Variants in PDLIM3 observed in about 807,000 individuals in gnomAD.
The protein encoded by PDLIM3 is PDZ and LIM domain 3.
PDLIM3 carries 36 observed loss-of-function variants against 37.3 expected under a neutral mutation model. The ratio of observed to expected loss-of-function variants is 0.97; its 90% CI spans 0.74 to 1.28. The LOEUF (loss-of-function observed/expected upper bound fraction) is 1.28. Among genes scored for constraint, PDLIM3 ranks in the 50% most tolerant of loss-of-function variants. PDLIM3 has a pLI of 0.00. For missense variants in PDLIM3, 454 were observed against 485.0 expected, an observed-to-expected ratio of 0.94 and a Z score of 0.60; for synonymous variants, 174 against 182.4, an observed-to-expected ratio of 0.95 and a Z score of 0.37.
chr4:185,534,950 G>A (rs564637541), intron 1 of PDLIM3, among the ~76,000 whole-genome samples: 27 of 152,272 alleles, frequency 1.8e-4, no homozygotes, highest in African/African-American at 6.5e-4. Flanking sequence ...TCTCCCACCC[G>A]GGACCCATCA....
intron 1 of PDLIM3, 38 bp from the exon 2 acceptor site, chr4:185,525,209 C>CCGCA: frequency 6.2e-7 from 1 of 1,608,486 alleles, no homozygotes; most frequent in Non-Finnish European, 8.5e-7. Flanking sequence ...AACCAACATC[C>CCGCA]CGCAGTATCT....
intron 4 of PDLIM3, chr4:185,513,236 C>A (rs2095709477): frequency 1.0e-6 from 1 of 985,432 alleles, no homozygotes; most frequent in Non-Finnish European, 1.2e-6. Flanking sequence ...CTCCTCTGGT[C>A]CAGGGCTCCT....
Position 185,525,151 on chromosome 4 carries a change from C to A in PDLIM3, c.114G>T (p.Ala38=). 1 of 1,614,130 alleles carries A rather than the reference C, an allele frequency of 6.2e-7. No individual in the cohort carries two copies. The highest frequency in any genetic ancestry group is 8.5e-7 in the Non-Finnish European group (1 of 1,179,994). The change falls in exon 2 of 8, where the codon GCG becomes GCT. Residue 38 remains alanine (A), a synonymous_variant. Coordinates refer to ENST00000284767, the MANE Select transcript of PDLIM3 (RefSeq NM_014476.6). ...VITRITPGSK[A]AAANLCPGDV... is the part of the protein sequence containing the mutation. ...CTCCAGGACACAGGTTGGCAGCTGC[C>A]GCCTTGCTTCCTGGTGTAATCTGGA... is the stretch of plus-strand genomic sequence containing the variant.
chr4:185,503,338 C>T (rs1012952258), intron 7 of PDLIM3, among the ~76,000 whole-genome samples: 5 of 152,144 alleles, frequency 3.3e-5, no homozygotes, highest in African/African-American at 1.2e-4. Flanking sequence ...CAGTTTATTC[C>T]AACTTAGGCA....
Position 185,501,167 on chromosome 4 carries a change from G to C in PDLIM3, c.*1127C>G, listed in dbSNP as rs1392623682. The C allele has an allele frequency of 1.3e-5, 2 of 152,332 alleles. No homozygotes were observed. Among genetic ancestry groups the C allele is most frequent in the African/African-American group, 4.8e-5 (2 of 41,466 alleles). The allele number at this position is 152,332 out of a possible 1,614,324, so 9.4% of individuals were successfully genotyped here. ...GCTGCCTGCGCCAGGGCCAGGCAGA[G>C]TGCATGTCTCAGACAGAGGATCCAT... On this transcript the variant is annotated 3_prime_UTR_variant, in exon 8 of 8. Coordinates refer to ENST00000284767, the MANE Select transcript of PDLIM3 (RefSeq NM_014476.6).
Position 185,514,046 on chromosome 4 carries a change from C to A in PDLIM3, c.398+224G>T. ...TCGCTATAAATACACGTGGTGATTGCATACAATTTCACAGCTCTGTCATCT... is the reference window on the plus strand; with the variant it reads ...TCGCTATAAATACACGTGGTGATTGAATACAATTTCACAGCTCTGTCATCT... On this transcript the variant is annotated intron_variant, in intron 4 of 7. Transcript: ENST00000284767. The surrounding 1 kb of genome is among the most constrained non-coding windows in gnomAD (Gnocchi z 4.0). 1 of 1,429,388 alleles carries A rather than the reference C, an allele frequency of 7.0e-7. No individual in the cohort carries two copies. 88.5% of individuals were successfully genotyped at this position (1,429,388 alleles called of 1,614,324 possible).
At chr4:185,523,123 C>A in intron 3 of PDLIM3, 1 of 458,272 alleles carries the variant, frequency 2.2e-6, no homozygotes. Context: ...GTAGATTTAG[C>A]CAAATTCTTT....
At chr4:185,502,910 T>A (rs2095689519) in intron 7 of PDLIM3, among the ~76,000 whole-genome samples, 1 of 152,104 alleles carries the variant, frequency 6.6e-6, no homozygotes, top group African/African-American at 2.4e-5. Flanking sequence ...TGGTCCAGCC[T>A]CTATTCAATG....
intron 1 of PDLIM3, among the ~76,000 whole-genome samples, chr4:185,531,695 G>A (rs981882171): frequency 2.0e-5 from 3 of 152,134 alleles, no homozygotes; most frequent in African/African-American, 7.2e-5. Context: ...GACAAAAGCT[G>A]ATTTAATGGG....
chr4:185,530,977 CACACACACACAT>C (rs1239793795), intron 1 of PDLIM3, among the ~76,000 whole-genome samples: 5,147 of 31,802 alleles, frequency 0.16, 130 homozygotes, highest in East Asian at 0.35. Context: ...AACACACACA[CACACACACACAT>C]ACACACACAC....
At chr4:185,531,231 C>G (rs1465771480) in intron 1 of PDLIM3, among the ~76,000 whole-genome samples, 1 of 152,158 alleles carries the variant, frequency 6.6e-6, no homozygotes, top group East Asian at 1.9e-4. Flanking sequence ...AAAAGATGCT[C>G]ACTTGAAGAA....
rs138599702 is a variant in PDLIM3 at position 185,519,209 on chromosome 4, G to A, written c.330+4153C>T. Among the ~76,000 whole-genome samples the A allele has an allele frequency of 7.9e-5, 12 of 152,296 alleles. No homozygotes were observed. In the East Asian group the frequency reaches 2.1e-3, roughly 27 times the overall value. Reference sequence around the variant, plus strand: ...GGAGTTGATCTAAACAACAACTAACGTGCCCTTTAAGCCTAAGATTCAAGT... The same window carrying A: ...GGAGTTGATCTAAACAACAACTAACATGCCCTTTAAGCCTAAGATTCAAGT... On this transcript the variant is annotated intron_variant, in intron 3 of 7. Transcript: ENST00000284767.
chr4:185,502,159 A>T lies in PDLIM3; in HGVS notation c.*135T>A. 1 of 895,072 alleles carries T rather than the reference A, an allele frequency of 1.1e-6. No individual in the cohort carries two copies. Among genetic ancestry groups the T allele is most frequent in the Non-Finnish European group, 1.8e-6 (1 of 544,242 alleles). 55.4% of individuals were successfully genotyped at this position (895,072 alleles called of 1,614,324 possible). On this transcript the variant is annotated 3_prime_UTR_variant, in exon 8 of 8. Coordinates refer to ENST00000284767, the MANE Select transcript of PDLIM3 (RefSeq NM_014476.6). The stretch of plus-strand genomic sequence containing the variant: ...CCATTCCTTTTCCTCAATAAACAAT[A>T]GGATAAAGGTCTAAAGCCTTGACTT...
chr4:185,503,570 C>T (rs145636602), intron 7 of PDLIM3, among the ~76,000 whole-genome samples: 7 of 152,196 alleles, frequency 4.6e-5, no homozygotes, highest in South Asian at 2.1e-4. Flanking sequence ...GGAATGGGGA[C>T]GTGGCCACAT....
chr4:185,502,223 A>T lies in PDLIM3; in HGVS notation c.*71T>A. 1 of 1,468,886 alleles carries T rather than the reference A, an allele frequency of 6.8e-7. No homozygotes were observed. The highest frequency in any genetic ancestry group is 1.4e-5 in the African/African-American group (1 of 71,928). 91.0% of individuals were successfully genotyped at this position (1,468,886 alleles called of 1,614,324 possible). The stretch of plus-strand genomic sequence containing the variant: ...GACAATCTGCACAATCCTTCTGCCC[A>T]AAGCCATGAATGTCTTCTCGTGTAA... On this transcript the variant is annotated 3_prime_UTR_variant, in exon 8 of 8. Transcript: ENST00000284767.
At chr4:185,527,716 TCTATTTTTA>T (rs2095736677) in intron 1 of PDLIM3, among the ~76,000 whole-genome samples, 2 of 152,224 alleles carry the variant, frequency 1.3e-5, no homozygotes, top group African/African-American at 2.4e-5. Flanking sequence ...ATCAGTATTT[TCTATTTTTA>T]AATGTCTAAG....
In PDLIM3 at chr4:185,514,820, T is replaced by C; in HGVS notation, c.331-483A>G. On this transcript the variant is annotated intron_variant, in intron 3 of 7. Coordinates refer to ENST00000284767, the MANE Select transcript of PDLIM3 (RefSeq NM_014476.6). This position sits in a 1 kb window ranked among gnomAD's most constrained non-coding sequence, Gnocchi z 4.0. ...GGAAGCGCTCACTACCTGTCTTTTG[T>C]CATCAATGTTTGCAGCTGCAACAAA... 2 of 1,551,732 alleles carry C rather than the reference T, an allele frequency of 1.3e-6. No homozygotes were observed. The highest frequency in any genetic ancestry group is 1.7e-6 in the Non-Finnish European group (2 of 1,147,006).
Position 185,514,568 on chromosome 4 carries a change from T to C in PDLIM3, c.331-231A>G, listed in dbSNP as rs879122956. 1,093 of 1,234,510 alleles carry C rather than the reference T, an allele frequency of 8.9e-4. 10 individuals carry two copies. Among genetic ancestry groups the C allele is most frequent in the South Asian group, 8.8e-4 (57 of 65,016 alleles). 76.5% of individuals were successfully genotyped at this position (1,234,510 alleles called of 1,614,324 possible). A position where few individuals can be genotyped will look rare whatever the true frequency, so the allele number is the denominator to read the frequency against. ...ACAATTAGAACATGTTTTAGATGCTTGTCTTTAAAAGAGAAATCTGATAGT... is the reference window on the plus strand; with the variant it reads ...ACAATTAGAACATGTTTTAGATGCTCGTCTTTAAAAGAGAAATCTGATAGT... On this transcript the variant is annotated intron_variant, in intron 3 of 7. Transcript: ENST00000284767. This position sits in a 1 kb window ranked among gnomAD's most constrained non-coding sequence, Gnocchi z 4.0.
chr4:185,514,466 T>C lies in PDLIM3; in HGVS notation c.331-129A>G. Reference sequence around the variant, plus strand: ...CTACTGTCATAACTAAGAAAGGCGATGACGGGACCAGGACGATGTCTTCTT... The same window carrying C: ...CTACTGTCATAACTAAGAAAGGCGACGACGGGACCAGGACGATGTCTTCTT... On this transcript the variant is annotated intron_variant, in intron 3 of 7. Coordinates refer to ENST00000284767, the MANE Select transcript of PDLIM3 (RefSeq NM_014476.6). This position sits in a 1 kb window ranked among gnomAD's most constrained non-coding sequence, Gnocchi z 4.0. The C allele has an allele frequency of 6.4e-7, 1 of 1,568,436 alleles. No individual in the cohort carries two copies. The highest frequency in any genetic ancestry group is 1.8e-5 in the Admixed American group (1 of 55,938).
Sources: allele counts gnomAD v4.1 joint callset (sites outside exome capture counted in the v4.1 genomes callset), GRCh38; gene constraint gnomAD v4.1.1; non-coding constraint Gnocchi (gnomAD v3.1); transcripts MANE v1.5; gene names NCBI Gene and HGNC (gene_info 2026-07-23, HGNC 2026-07-21).